Variants in AKAP9 observed in about 807,000 individuals in gnomAD.
The protein encoded by AKAP9 is A-kinase anchor protein 9.
Under a neutral mutation model 488.5 loss-of-function variants are expected in AKAP9, and 311 were observed. The ratio of observed to expected loss-of-function variants is 0.64; its 90% CI spans 0.58 to 0.70. The LOEUF is 0.70. AKAP9 is among the 30% of genes least tolerant of loss of function. The pLI, the probability that AKAP9 is intolerant of heterozygous loss-of-function variation, is 0.00. For synonymous variants in AKAP9, 1,462 were observed against 1,483.5 expected (o/e 0.99, Z 0.33); for missense variants, 4,215 against 4,374.5 (o/e 0.96, Z 1.03).
At position 92,032,483 on chromosome 7, in the gene AKAP9, C is replaced by T. The variant is rs982425284; in HGVS notation, c.4338+879C>T. Among the ~76,000 whole-genome samples the T allele has an allele frequency of 6.6e-5, 9 of 135,866 alleles. No homozygotes were observed. In the South Asian group the frequency reaches 9.2e-4, roughly 14 times the overall value. The allele number at this position is 135,866 out of a possible 152,430, so 89.1% of individuals were successfully genotyped here. A position where few individuals can be genotyped will look rare whatever the true frequency, so the allele number is the denominator to read the frequency against. ...TGTACTCCAGCTTGGCCAACAAAAG[C>T]GAAACTCCGTCTCAAAAAAAAAAAA... On this transcript the variant is annotated intron_variant, in intron 16 of 49. Coordinates refer to ENST00000356239, the MANE Select transcript of AKAP9 (RefSeq NM_005751.5).
At chr7:91,965,077 A>T (rs1794267537) in intron 1 of AKAP9, among the ~76,000 whole-genome samples, 1 of 152,124 alleles carries the variant, frequency 6.6e-6, no homozygotes, top group Non-Finnish European at 1.5e-5. Flanking sequence ...CTATTTTGAA[A>T]TATTTAGTAG....
intron 8 of AKAP9, among the ~76,000 whole-genome samples, chr7:92,011,751 A>T (rs892747777): frequency 6.6e-6 from 1 of 152,196 alleles, no homozygotes; most frequent in Non-Finnish European, 1.5e-5. Flanking sequence ...CATTTATTTA[A>T]TAATACTGAG....
Position 92,003,239 on chromosome 7 carries a change from T to C in AKAP9, c.3318+4T>C, listed in dbSNP as rs1290596598. ...CAATGTACTTAAATCAGAACAGGTA[T>C]GTTTACTTCTTCATATATGGTAAAG... On this transcript the variant is annotated splice_donor_region_variant and intron_variant, in intron 8 of 49. Coordinates refer to ENST00000356239, the MANE Select transcript of AKAP9 (RefSeq NM_005751.5). 5 of 1,568,410 alleles carry C rather than the reference T, an allele frequency of 3.2e-6. No individual in the cohort carries two copies. The highest frequency in any genetic ancestry group is 4.4e-6 in the Non-Finnish European group (5 of 1,140,642).
At chr7:91,958,318 A>G (rs1279950717) in intron 1 of AKAP9, among the ~76,000 whole-genome samples, 2 of 152,234 alleles carry the variant, frequency 1.3e-5, no homozygotes, top group Admixed American at 6.5e-5. Context: ...CTGTTGAGAG[A>G]GTGTCTATTT....
Position 92,097,775 on chromosome 7 carries a change from C to A in AKAP9, c.10588C>A (p.Pro3530Thr). Residue 3530 changes from proline to threonine, a missense_variant, in exon 42 of 50, where the codon CCC becomes ACC. Around this residue, in one of 5 missense-constraint regions of AKAP9, gnomAD observed 1,476 missense variants for 1,477.4 expected, o/e 1.00. Coordinates refer to ENST00000356239, the MANE Select transcript of AKAP9 (RefSeq NM_005751.5). Reference protein sequence around the residue: ...QCVASKLQVLPQKASERLQFE... With the variant: ...QCVASKLQVLTQKASERLQFE... The stretch of plus-strand genomic sequence containing the variant: ...TGTAGCTTCAAAACTACAGGTTCTA[C>A]CCCAGAAAGCCTCTGAGAGGTTAGA... 6.2e-7 allele frequency: 1 copy of A among 1,614,152 alleles called. No homozygotes were observed.
chr7:92,053,587 T>C (rs1475051741), intron 22 of AKAP9, among the ~76,000 whole-genome samples: 2 of 152,166 alleles, frequency 1.3e-5, no homozygotes. Context: ...TGTGACCAGG[T>C]AGTGAAGTAT....
intron 24 of AKAP9, chr7:92,063,428 G>GTT: frequency 1.1e-6 from 1 of 913,444 alleles, no homozygotes; most frequent in Non-Finnish European, 1.3e-6. Context: ...TACTTTTGTT[G>GTT]TGTCTTTTTT....
chr7:92,075,005 A>AT (rs1584439329), intron 28 of AKAP9, among the ~76,000 whole-genome samples: 1 of 152,162 alleles, frequency 6.6e-6, no homozygotes, highest in Non-Finnish European at 1.5e-5. Flanking sequence ...GAAAAGTATA[A>AT]TTTTTTAAAA....
chr7:91,967,220 A>C (rs1741712424), intron 1 of AKAP9, among the ~76,000 whole-genome samples: 1 of 152,054 alleles, frequency 6.6e-6, no homozygotes, highest in African/African-American at 2.4e-5. Context: ...TTTTTGGTGG[A>C]GTCTGTAGGT....
chr7:92,047,895 T>G (rs1227308150), intron 21 of AKAP9, among the ~76,000 whole-genome samples: 1 of 152,196 alleles, frequency 6.6e-6, no homozygotes, highest in East Asian at 1.9e-4. Flanking sequence ...TCTTACTGTT[T>G]TTATGTTTAG....
chr7:91,981,839 C>T (rs918133435), intron 3 of AKAP9, among the ~76,000 whole-genome samples: 2 of 152,044 alleles, frequency 1.3e-5, no homozygotes, highest in African/African-American at 2.4e-5. Flanking sequence ...CTCCTGACCT[C>T]ATGATCTACC....
At chr7:92,017,131 A>G in intron 12 of AKAP9, 29 bp downstream of exon 12, 1 of 1,456,654 alleles carries the variant, frequency 6.9e-7, no homozygotes, top group Non-Finnish European at 9.5e-7. Context: ...ATATTGTAAT[A>G]TTTGCATTTA....
rs1486993423 is a variant in AKAP9, at chr7:92,031,532, G to A, written c.4266G>A (p.Val1422=). The A allele has an allele frequency of 6.2e-7, 1 of 1,611,930 alleles. No homozygotes were observed. ...TGTAGTTTTCTGGTGAATTTGGAGTGAAAGAGGAAACAAATATCGTTAAGT... is the reference window on the plus strand; with the variant it reads ...TGTAGTTTTCTGGTGAATTTGGAGTAAAAGAGGAAACAAATATCGTTAAGT... ...GTIEFSGEFG[V]KEETNIVKLL... is the part of the protein sequence containing the mutation. The change falls in exon 16 of 50, where the codon GTG becomes GTA. Residue 1422 remains valine (V), a synonymous_variant. Coordinates refer to ENST00000356239, the MANE Select transcript of AKAP9 (RefSeq NM_005751.5).
intron 21 of AKAP9, among the ~76,000 whole-genome samples, chr7:92,046,113 C>T (rs1032214031): frequency 2.6e-5 from 4 of 152,090 alleles, no homozygotes; most frequent in Admixed American, 2.6e-4. Context: ...GGATTACAGG[C>T]GTGAGCCACC....
chr7:91,993,154 T>C, intron 5 of AKAP9, 99 bp downstream of exon 5: 1 of 1,261,806 alleles, frequency 7.9e-7, no homozygotes, highest in Admixed American at 2.5e-5. Flanking sequence ...TTTAAAATTT[T>C]TTTTTAACTT....
chr7:92,016,511 CCTAT>C (rs1187806795), intron 11 of AKAP9, among the ~76,000 whole-genome samples: 2 of 152,048 alleles, frequency 1.3e-5, no homozygotes, highest in South Asian at 2.1e-4. Context: ...TCTCTCTACT[CCTAT>C]CTTTTTCCTT....
At position 91,964,719 on chromosome 7, in the gene AKAP9, C is replaced by G. The variant is rs139347152; in HGVS notation, c.49-8992C>G. The stretch of plus-strand genomic sequence containing the variant: ...AAGAGTCTGTTTGATACTCATATAT[C>G]TTTAACACCCTTTTAACACTTGCCC... On this transcript the variant is annotated intron_variant, in intron 1 of 49. Coordinates refer to ENST00000356239, the MANE Select transcript of AKAP9 (RefSeq NM_005751.5). Among the ~76,000 whole-genome samples the G allele has an allele frequency of 3.2e-4, 49 of 152,208 alleles. 1 individual carries two copies. The highest frequency in any genetic ancestry group is 1.2e-3 in the African/African-American group (48 of 41,558).
Position 92,022,847 on chromosome 7 carries a change from A to G in AKAP9, c.3986A>G (p.Gln1329Arg). The G allele has an allele frequency of 2.5e-6, 4 of 1,589,484 alleles. No homozygotes were observed. The highest frequency in any genetic ancestry group is 1.5e-5 in the African/African-American group (1 of 66,268). Residue 1329 changes from glutamine (Q) to arginine (R), a missense_variant, in exon 14 of 50, where the codon CAA (glutamine) becomes CGA (arginine). By Grantham distance (43) the Gln-to-Arg change is conservative. Transcript: ENST00000356239. ...VNHKSKLSSL[Q>R]DLEKTKLEEQ... ...CATAAAAGCAAGTTATCTTCTCTGC[A>G]AGATCTTGAAAAAACTAAACTTGAA...
chr7:92,104,190 A>T lies in AKAP9; in HGVS notation c.11330+1364A>T, dbSNP rs899886549. Among the ~76,000 whole-genome samples the T allele has an allele frequency of 8.7e-3, 1,245 of 142,604 alleles. 17 individuals are homozygous for T. Among genetic ancestry groups the T allele is most frequent in the East Asian group, 0.019 (92 of 4,880 alleles). 93.6% of individuals were successfully genotyped at this position (142,604 alleles called of 152,430 possible). Reference sequence around the variant, plus strand: ...CTGATGCTGCTTTATTTATTTATTTATTTTTTTTTTTTTTTTTTGAGACAG... The same window carrying T: ...CTGATGCTGCTTTATTTATTTATTTTTTTTTTTTTTTTTTTTTTGAGACAG... On this transcript the variant is annotated intron_variant, in intron 46 of 49. Coordinates refer to ENST00000356239, the MANE Select transcript of AKAP9 (RefSeq NM_005751.5).
Sources: allele counts gnomAD v4.1 joint callset (sites outside exome capture counted in the v4.1 genomes callset), GRCh38; gene constraint gnomAD v4.1.1; regional missense constraint gnomAD v4.1.1; transcripts MANE v1.5; gene names NCBI Gene and HGNC (gene_info 2026-07-23, HGNC 2026-07-21).